The following VPS13D variants were observed in gnomAD, a reference collection of about 807,000 sequenced individuals.
VPS13D encodes intermembrane lipid transfer protein VPS13D.
In VPS13D, 187 loss-of-function variants were observed where a neutral mutation model predicts 461.9. That is an observed-to-expected ratio of 0.40 (90% CI 0.36 to 0.46). The LOEUF (loss-of-function observed/expected upper bound fraction) is 0.46. Among genes scored for constraint, VPS13D ranks in the 20% least tolerant of loss-of-function variants. VPS13D has a pLI of 0.60. For missense variants in VPS13D, 4,711 were observed against 5,364.9 expected (o/e 0.88, Z 3.81); for synonymous variants, 1,951 against 1,986.3 (o/e 0.98, Z 0.47).
chr1:12,314,551 G>A (rs1011157702), intron 30 of VPS13D, among the ~76,000 whole-genome samples: 1 of 152,160 alleles, frequency 6.6e-6, no homozygotes, highest in African/African-American at 2.4e-5. Context: ...AAATAAAGTA[G>A]TTAAGAATTG....
intron 15 of VPS13D, among the ~76,000 whole-genome samples, chr1:12,268,159 A>T (rs528979969): frequency 6.7e-6 from 1 of 149,914 alleles, no homozygotes; most frequent in East Asian, 2.0e-4. Flanking sequence ...TTTGTTGTCC[A>T]GGCTGGTCTT....
intron 55 of VPS13D, among the ~76,000 whole-genome samples, chr1:12,375,922 T>C (rs1251741234): frequency 1.3e-5 from 2 of 152,008 alleles, no homozygotes; most frequent in African/African-American, 2.4e-5. Context: ...ATTTTAGAAC[T>C]AAATTATTAG....
intron 21 of VPS13D, among the ~76,000 whole-genome samples, chr1:12,287,956 G>A (rs1642019943): frequency 2.0e-5 from 3 of 152,142 alleles, no homozygotes; most frequent in African/African-American, 4.8e-5. Context: ...TTTTTATAAT[G>A]TAAAGCATCT....
rs149252178 is a variant in VPS13D at position 12,276,990 on chromosome 1, A to G, written c.3402A>G (p.Lys1134=). 1.9e-6 allele frequency: 3 copies of G among 1,614,036 alleles called. No homozygotes were observed. The highest frequency in any genetic ancestry group is 2.5e-6 in the Non-Finnish European group (3 of 1,180,040). The change falls in exon 19 of 70, where the codon AAA becomes AAG. Residue 1134 remains lysine, a synonymous_variant. Coordinates refer to ENST00000620676, the MANE Select transcript of VPS13D (RefSeq NM_015378.4). This position sits in a 1 kb window ranked among gnomAD's most constrained non-coding sequence, Gnocchi z 4.5. ...TTCAAAAATCCTTTCCCAAGGAAAA[A>G]GATGATTTAAGTCCTCAACCTTTAA... ...GFLQKSFPKE[K]DDLSPQPLMT... is the part of the protein sequence containing the mutation.
intron 65 of VPS13D, among the ~76,000 whole-genome samples, chr1:12,450,479 T>G (rs1305401635): frequency 2.0e-5 from 3 of 152,228 alleles, no homozygotes; most frequent in African/African-American, 7.2e-5. Flanking sequence ...ATTTTTTGAC[T>G]TGACGATGAC....
At chr1:12,353,056 A>C (rs1643835684) in intron 46 of VPS13D, among the ~76,000 whole-genome samples, 1 of 151,544 alleles carries the variant, frequency 6.6e-6, no homozygotes, top group South Asian at 2.1e-4. Context: ...TATGTCCAAA[A>C]AATACTTGTA....
intron 65 of VPS13D, among the ~76,000 whole-genome samples, chr1:12,420,605 G>A (rs1247934563): frequency 6.6e-6 from 1 of 152,188 alleles, no homozygotes; most frequent in Non-Finnish European, 1.5e-5. Context: ...AGGGTCCAAT[G>A]TTTCTTTTGT....
intron 68 of VPS13D, among the ~76,000 whole-genome samples, chr1:12,506,259 C>T (rs192148427): frequency 1.3e-5 from 2 of 152,062 alleles, no homozygotes; most frequent in Non-Finnish European, 2.9e-5. Context: ...TTGGAGTGGC[C>T]CTAAAGCTCC....
intron 47 of VPS13D, among the ~76,000 whole-genome samples, chr1:12,354,440 G>A (rs775647323): frequency 6.6e-6 from 1 of 152,046 alleles, no homozygotes; most frequent in Admixed American, 6.6e-5. Context: ...AGGCTGAGGC[G>A]GGAAGATTAC....
At chr1:12,234,501 C>G in intron 2 of VPS13D, 138 bp downstream of exon 2, 1 of 553,704 alleles carries the variant, frequency 1.8e-6, no homozygotes, top group Non-Finnish European at 3.1e-6. Flanking sequence ...CCCATATCAT[C>G]CTGATGATTT....
intron 65 of VPS13D, among the ~76,000 whole-genome samples, chr1:12,449,388 C>T (rs1298949596): frequency 6.6e-6 from 1 of 151,784 alleles, no homozygotes; most frequent in Non-Finnish European, 1.5e-5. Context: ...TCAACTTGTT[C>T]CGTGCCTTTT....
At position 12,242,574 on chromosome 1, in the gene VPS13D, A is replaced by G; in HGVS notation, c.159A>G (p.Pro53=). The G allele has an allele frequency of 6.2e-7, 1 of 1,614,122 alleles. No individual in the cohort carries two copies. Among genetic ancestry groups the G allele is most frequent in the Non-Finnish European group, 8.5e-7 (1 of 1,179,984 alleles). ...KKDALKELEL[P]FEVKAGFIGK... ...ATGCCTTGAAAGAATTGGAATTACC[A>G]TTTGAAGTCAAAGCTGGTATGTGGA... is the stretch of plus-strand genomic sequence containing the variant. Residue 53 remains proline, a synonymous_variant, in exon 3 of 70, where the codon CCA becomes CCG. Transcript: ENST00000620676.
At chr1:12,457,770 C>T (rs1419073296) in intron 66 of VPS13D, among the ~76,000 whole-genome samples, 1 of 152,234 alleles carries the variant, frequency 6.6e-6, no homozygotes, top group East Asian at 1.9e-4. Flanking sequence ...TTTCCTAAGG[C>T]TGCCCAACCG....
chr1:12,470,724 A>G (rs1227543261), intron 67 of VPS13D, among the ~76,000 whole-genome samples: 1 of 152,186 alleles, frequency 6.6e-6, no homozygotes, highest in Non-Finnish European at 1.5e-5. Context: ...GTGTTCATTA[A>G]AGCAAGTTTC....
chr1:12,449,257 T>A (rs1277787085), intron 65 of VPS13D, among the ~76,000 whole-genome samples: 1 of 152,200 alleles, frequency 6.6e-6, no homozygotes, highest in Non-Finnish European at 1.5e-5. Context: ...TCCCCTTTTT[T>A]TCTCTTTGCC....
In VPS13D at chr1:12,400,180, G is replaced by A; in HGVS notation, c.11635-1G>A. On this transcript the variant is annotated splice_acceptor_variant, in intron 60 of 69. Transcript: ENST00000620676. LOFTEE classifies it high-confidence loss of function. ...GCTTTGCTACCTTTCCATGGCCGTA[G>A]GTGGACAATCAGCTCATTGGTACCA... The A allele has an allele frequency of 3.7e-6, 6 of 1,613,736 alleles. No homozygotes were observed. Among genetic ancestry groups the A allele is most frequent in the Non-Finnish European group, 5.1e-6 (6 of 1,179,912 alleles).
intron 5 of VPS13D, among the ~76,000 whole-genome samples, chr1:12,248,782 A>T (rs538035454): frequency 6.6e-6 from 1 of 152,230 alleles, no homozygotes; most frequent in Admixed American, 6.5e-5. Flanking sequence ...GGGGACATAG[A>T]GGCAAGATGA....
At chr1:12,340,831 A>G (rs899852898) in intron 40 of VPS13D, among the ~76,000 whole-genome samples, 2 of 152,124 alleles carry the variant, frequency 1.3e-5, no homozygotes, top group Admixed American at 6.5e-5. Flanking sequence ...GCTTTCTCAC[A>G]CTGGTTTGCT....
chr1:12,372,180 C>T (rs1472044011), intron 54 of VPS13D, among the ~76,000 whole-genome samples: 2 of 152,122 alleles, frequency 1.3e-5, no homozygotes, highest in Non-Finnish European at 2.9e-5. Context: ...CAGCCTCTCT[C>T]ATAGCTGGGA....
Sources: allele counts gnomAD v4.1 joint callset (sites outside exome capture counted in the v4.1 genomes callset), GRCh38; gene constraint gnomAD v4.1.1; non-coding constraint Gnocchi (gnomAD v3.1); transcripts MANE v1.5; gene names NCBI Gene and HGNC (gene_info 2026-07-23, HGNC 2026-07-21).